The following ZNF66 variants were observed in gnomAD, a reference collection of about 807,000 sequenced individuals.
ZNF66 encodes the protein putative zinc finger protein 66.
In ZNF66, 32 loss-of-function variants were observed where a neutral mutation model predicts 35.2. The observed-to-expected ratio is 0.91, with a 90% CI of 0.69 to 1.22. The LOEUF is 1.22. ZNF66 is among the 50% of genes most tolerant of loss of function. The pLI is 0.00. For missense variants in ZNF66, 666 were observed against 543.1 expected, an observed-to-expected ratio of 1.23 and a Z score of -2.25; for synonymous variants, 231 against 181.3, an observed-to-expected ratio of 1.27 and a Z score of -2.20.
intron 3 of ZNF66, among the ~76,000 whole-genome samples, chr19:20,802,627 C>G (rs1042707790): frequency 6.9e-6 from 1 of 144,528 alleles, no homozygotes; most frequent in Non-Finnish European, 1.5e-5. Flanking sequence ...TAGGAGAATG[C>G]TGTATGAGCT....
At chr19:20,799,444 C>T (rs1297974950) in intron 3 of ZNF66, 4 of 149,648 alleles carry the variant, frequency 2.7e-5, no homozygotes, top group Non-Finnish European at 4.5e-5. Context: ...TTGTTTTCCA[C>T]CAGCAATCAA....
rs755544971 is a variant in ZNF66 at position 20,807,095 on chromosome 19, CATAAG to C, written c.1497_1501del (p.His499GlnfsTer7). On this transcript the variant is annotated frameshift_variant, in exon 4 of 4. Coordinates refer to ENST00000344519, the MANE Select transcript of ZNF66 (RefSeq NM_001355197.2). LOFTEE classifies it high-confidence loss of function. ...TAAGTGCTCCTCTATTCTTACTACA[CATAAG>C]AGAATTCATACTGCAGATAAACCCT... 2.5e-6 allele frequency: 2 copies of C among 794,514 alleles called. No homozygotes were observed. Among genetic ancestry groups the C allele is most frequent in the African/African-American group, 3.4e-5 (2 of 59,038 alleles). 49.2% of individuals were successfully genotyped at this position (794,514 alleles called of 1,614,324 possible).
At chr19:20,793,319 TTTCTTTTCTTTTC>T (rs1356960460) in intron 2 of ZNF66, among the ~76,000 whole-genome samples, 14 of 78,770 alleles carry the variant, frequency 1.8e-4, no homozygotes, top group African/African-American at 5.1e-4. Flanking sequence ...TTTCTTTTCT[TTTCTTTTCTTTTC>T]TTTTTTTTTT....
At chr19:20,793,954 G>A in intron 3 of ZNF66, 76 bp downstream of exon 3, 1 of 693,728 alleles carries the variant, frequency 1.4e-6, no homozygotes, top group Non-Finnish European at 2.4e-6. Flanking sequence ...CAGTCCTTAA[G>A]GTGTGATTCT....
At chr19:20,802,261 A>C (rs79420249) in intron 3 of ZNF66, among the ~76,000 whole-genome samples, 1 of 152,188 alleles carries the variant, frequency 6.6e-6, no homozygotes, top group African/African-American at 2.4e-5. Context: ...CAAAAATGCA[A>C]TGAGACATTT....
intron 1 of ZNF66, among the ~76,000 whole-genome samples, chr19:20,790,959 C>T (rs2144900643): frequency 6.6e-6 from 1 of 152,288 alleles, no homozygotes; most frequent in Middle Eastern, 3.4e-3. Flanking sequence ...ATCCCAGAGC[C>T]TTCTCTTCAT....
At chr19:20,795,454 G>A (rs191541561) in intron 3 of ZNF66, among the ~76,000 whole-genome samples, 58 of 149,638 alleles carry the variant, frequency 3.9e-4, no homozygotes, top group African/African-American at 1.3e-3. Flanking sequence ...CACAACCTCC[G>A]CCTCTTGGGT....
chr19:20,806,780 A>C lies in ZNF66; in HGVS notation c.1180A>C (p.Lys394Gln). Residue 394 changes from lysine (K) to glutamine (Q), a missense_variant, in exon 4 of 4, where the codon AAG (lysine) becomes CAG (glutamine). Lys to Gln is a moderately conservative substitution (Grantham distance 53). Coordinates refer to ENST00000344519, the MANE Select transcript of ZNF66 (RefSeq NM_001355197.2). ...TGCACATAAGATAATTCATACTGGA[A>C]AGAAACCTTACAAATGTGAAGAATG... Reference protein sequence around the residue: ...LTAHKIIHTGKKPYKCEECGK... With the variant: ...LTAHKIIHTGQKPYKCEECGK... 7.7e-7 allele frequency: 1 copy of C among 1,300,286 alleles called. No homozygotes were observed. The highest frequency in any genetic ancestry group is 1.9e-4 in the Middle Eastern group (1 of 5,398). The allele number at this position is 1,300,286 out of a possible 1,614,324, so 80.5% of individuals were successfully genotyped here. A position where few individuals can be genotyped will look rare whatever the true frequency, so the allele number is the denominator to read the frequency against.
intron 1 of ZNF66, among the ~76,000 whole-genome samples, chr19:20,781,149 T>C (rs1043757487): frequency 2.0e-5 from 3 of 152,212 alleles, no homozygotes; most frequent in Non-Finnish European, 4.4e-5. Context: ...AATCAGAGTA[T>C]GGCTGCATTG....
Position 20,808,874 on chromosome 19 carries a change from G to A in ZNF66, c.*1552G>A, listed in dbSNP as rs1202312788. 6.6e-6 allele frequency among the ~76,000 whole-genome samples: 1 copy of A among 152,066 alleles called. No homozygotes were observed. The highest frequency in any genetic ancestry group is 1.5e-5 in the Non-Finnish European group (1 of 68,016). ...TGACTTTGATGAGTTGAGAGAAGAA[G>A]GCTTCAGACGATCAAACTACTCCGA... On this transcript the variant is annotated 3_prime_UTR_variant, in exon 4 of 4. Transcript: ENST00000344519.
At chr19:20,777,452 A>ATTTTTTTTTTTTTTTTTTTTTTT (rs756548895) in intron 1 of ZNF66, among the ~76,000 whole-genome samples, 1 of 123,148 alleles carries the variant, frequency 8.1e-6, no homozygotes, top group Non-Finnish European at 1.6e-5. Context: ...TTGAGCTTAG[A>ATTTTTTTTTTTTTTTTTTTTTTT]TTTTTTTTTT....
chr19:20,794,124 C>T, intron 3 of ZNF66: 1 of 565,994 alleles, frequency 1.8e-6, no homozygotes, highest in South Asian at 1.8e-5. Context: ...CCTTCACATT[C>T]ACAGTGAGAG....
At chr19:20,779,510 A>G (rs946453673) in intron 1 of ZNF66, among the ~76,000 whole-genome samples, 1 of 151,644 alleles carries the variant, frequency 6.6e-6, no homozygotes, top group Non-Finnish European at 1.5e-5. Flanking sequence ...AGGGAAATAA[A>G]CTTAAGAAAA....
chr19:20,777,473 T>C (rs1413013221), intron 1 of ZNF66, among the ~76,000 whole-genome samples: 2 of 147,890 alleles, frequency 1.4e-5, no homozygotes, highest in African/African-American at 2.5e-5. Flanking sequence ...TTTTTTTTTT[T>C]AGAAATAGAA....
chr19:20,777,653 AGTCTTGCTCTGTC>A (rs1478559602), intron 1 of ZNF66, among the ~76,000 whole-genome samples: 3 of 151,598 alleles, frequency 2.0e-5, no homozygotes, highest in Admixed American at 2.0e-4. Context: ...TTTGAGACGG[AGTCTTGCTCTGTC>A]GCCAGGCTAG....
rs2144923053 is a variant in ZNF66 at position 20,807,269 on chromosome 19, ATAATT to A, written c.1670_1674del (p.Ile557ThrfsTer10). 1.5e-6 allele frequency: 1 copy of A among 685,036 alleles called. No homozygotes were observed. The highest frequency in any genetic ancestry group is 2.5e-5 in the East Asian group (1 of 39,632). The allele number at this position is 685,036 out of a possible 1,614,324, so 42.4% of individuals were successfully genotyped here. On this transcript the variant is annotated frameshift_variant, in exon 4 of 4. Coordinates refer to ENST00000344519, the MANE Select transcript of ZNF66 (RefSeq NM_001355197.2). LOFTEE classifies it high-confidence loss of function. The stretch of plus-strand genomic sequence containing the variant: ...ATCCTCAAACCTTAGTAGACATGAG[ATAATT>A]CATATGGGAGGGAATCCCTACAAAT...
rs1471681247 is a variant in ZNF66 at position 20,803,254 on chromosome 19, CTTATT to C, written c.227-2567_227-2563del. ...TAAATAGTTTTCTGCAAAAGAAAAA[CTTATT>C]TTATTGTTTTATTTTATTCTTGTGT... is the stretch of plus-strand genomic sequence containing the variant. On this transcript the variant is annotated intron_variant, in intron 3 of 3. Transcript: ENST00000344519. Among the ~76,000 whole-genome samples the C allele has an allele frequency of 7.3e-5, 11 of 151,360 alleles. 1 individual carries two copies. Among genetic ancestry groups the C allele is most frequent in the East Asian group, 5.8e-4 (3 of 5,180 alleles).
Position 20,793,839 on chromosome 19 carries a change from T to G in ZNF66, c.187T>G (p.Ser63Ala). Residue 63 changes from serine to alanine, a missense_variant, in exon 3 of 4, where the codon TCG (serine) becomes GCG (alanine). By Grantham distance (99) the Ser-to-Ala change is moderately conservative (BLOSUM62 1). Coordinates refer to ENST00000344519, the MANE Select transcript of ZNF66 (RefSeq NM_001355197.2). ...ITHLEQGKKP[S>A]TMQRHEMVAN... ...CCATCTGGAGCAAGGAAAAAAACCT[T>G]CGACTATGCAGAGACATGAGATGGT... 1 of 1,174,650 alleles carries G rather than the reference T, an allele frequency of 8.5e-7. No individual in the cohort carries two copies. The highest frequency in any genetic ancestry group is 1.2e-6 in the Non-Finnish European group (1 of 835,756). 72.8% of individuals were successfully genotyped at this position (1,174,650 alleles called of 1,614,324 possible). A position where few individuals can be genotyped will look rare whatever the true frequency, so the allele number is the denominator to read the frequency against.
intron 1 of ZNF66, among the ~76,000 whole-genome samples, chr19:20,784,105 A>G (rs1455918063): frequency 6.6e-6 from 1 of 152,108 alleles, no homozygotes; most frequent in Non-Finnish European, 1.5e-5. Flanking sequence ...TGATCTACCC[A>G]TCTCAGCCTC....
Sources: allele counts gnomAD v4.1 joint callset (sites outside exome capture counted in the v4.1 genomes callset), GRCh38; gene constraint gnomAD v4.1.1; transcripts MANE v1.5; gene names NCBI Gene and HGNC (gene_info 2026-07-23, HGNC 2026-07-21).